Variants in SPATA6 observed in about 807,000 individuals in gnomAD.
SPATA6 encodes spermatogenesis-associated protein 6.
SPATA6 carries 56 observed loss-of-function variants against 65.3 expected under a neutral mutation model. The ratio of observed to expected loss-of-function variants is 0.86; its 90% CI spans 0.69 to 1.07. The LOEUF is 1.07. Among genes scored for constraint, SPATA6 ranks in the 50% least tolerant of loss-of-function variants. The pLI, the probability that SPATA6 is intolerant of heterozygous loss-of-function variation, is 0.00. For synonymous variants in SPATA6, 199 were observed against 213.2 expected (o/e 0.93, Z 0.58); for missense variants, 590 against 594.8 (o/e 0.99, Z 0.08).
Position 48,411,454 on chromosome 1 carries a change from A to T in SPATA6, c.405+10T>A. On this transcript the variant is annotated intron_variant, in intron 5 of 12. Transcript: ENST00000371847. The stretch of plus-strand genomic sequence containing the variant: ...ATCAAAAACTGATTCAGAAAATTGC[A>T]AGCACTTACTCGAAGGCCAGAAATC... 5 of 1,601,526 alleles carry T rather than the reference A, an allele frequency of 3.1e-6. No homozygotes were observed. Among genetic ancestry groups the T allele is most frequent in the Non-Finnish European group, 4.3e-6 (5 of 1,173,312 alleles).
At chr1:48,356,808 T>C (rs941621019) in intron 10 of SPATA6, among the ~76,000 whole-genome samples, 18 of 152,254 alleles carry the variant, frequency 1.2e-4, no homozygotes, top group African/African-American at 4.3e-4. Flanking sequence ...TCTTAAAAGC[T>C]ACAATATCAT....
intron 9 of SPATA6, among the ~76,000 whole-genome samples, chr1:48,369,701 A>G (rs1647171067): frequency 6.6e-6 from 1 of 152,214 alleles, no homozygotes; most frequent in South Asian, 2.1e-4. Context: ...TGATTAGGAA[A>G]GGGAACTCCC....
intron 3 of SPATA6, among the ~76,000 whole-genome samples, chr1:48,447,571 C>G (rs1447071043): frequency 6.6e-6 from 1 of 152,058 alleles, no homozygotes; most frequent in African/African-American, 2.4e-5. Context: ...AGACGGCACC[C>G]CTAACTCCCA....
intron 3 of SPATA6, among the ~76,000 whole-genome samples, chr1:48,435,191 G>C (rs957784234): frequency 2.6e-5 from 4 of 152,270 alleles, no homozygotes; most frequent in Admixed American, 6.5e-5. Context: ...TAAGTAATTA[G>C]TATGTCCAAG....
chr1:48,427,806 A>G (rs1275453858), intron 3 of SPATA6, among the ~76,000 whole-genome samples: 1 of 152,178 alleles, frequency 6.6e-6, no homozygotes, highest in Non-Finnish European at 1.5e-5. Flanking sequence ...TCTATTAATC[A>G]TAATTCCATT....
chr1:48,347,922 C>T (rs1460364254), intron 11 of SPATA6, among the ~76,000 whole-genome samples: 3 of 151,968 alleles, frequency 2.0e-5, no homozygotes, highest in Non-Finnish European at 4.4e-5. Flanking sequence ...GACTTCATCC[C>T]TAGCTAATAA....
chr1:48,404,367 T>C (rs560851757), intron 5 of SPATA6, among the ~76,000 whole-genome samples: 2 of 152,212 alleles, frequency 1.3e-5, no homozygotes, highest in East Asian at 3.9e-4. Flanking sequence ...TCAATTAATT[T>C]TTTTTCTTAG....
intron 3 of SPATA6, among the ~76,000 whole-genome samples, chr1:48,423,511 T>A (rs989805090): frequency 1.3e-5 from 2 of 149,716 alleles, no homozygotes; most frequent in East Asian, 3.9e-4. Flanking sequence ...AGGTATTGAC[T>A]GGTAGGGGCA....
intron 1 of SPATA6, among the ~76,000 whole-genome samples, chr1:48,470,409 G>A (rs1262943736): frequency 6.6e-6 from 1 of 152,180 alleles, no homozygotes; most frequent in African/African-American, 2.4e-5. Context: ...AAGGGATCGA[G>A]AAAGTTTCGT....
intron 3 of SPATA6, among the ~76,000 whole-genome samples, chr1:48,413,792 A>G (rs1652499238): frequency 2.0e-5 from 3 of 152,152 alleles, no homozygotes; most frequent in African/African-American, 7.2e-5. Flanking sequence ...AAGCATTACT[A>G]GGAACATAGT....
intron 3 of SPATA6, among the ~76,000 whole-genome samples, chr1:48,423,568 T>C (rs12729984): frequency 0.016 from 1,079 of 67,654 alleles, 8 homozygotes; most frequent in African/African-American, 0.035. Context: ...TTCTTTCTTT[T>C]TTTTTTTTTT....
chr1:48,290,792 G>A (rs180717169), downstream of SPATA6, among the ~76,000 whole-genome samples: 82 of 152,246 alleles, frequency 5.4e-4, no homozygotes, highest in African/African-American at 1.9e-3. Context: ...AACAAGAAGA[G>A]CTAACTATCC....
chr1:48,283,678 CAAAAAAAAAA>C, the SPATA6 span, among the ~76,000 whole-genome samples: 4 of 60,824 alleles, frequency 6.6e-5, no homozygotes. Context: ...GACTCCGTCT[CAAAAAAAAAA>C]AAAAAAAAAA....
chr1:48,320,492 A>ATTG (rs1188781475), intron 11 of SPATA6, among the ~76,000 whole-genome samples: 11 of 152,234 alleles, frequency 7.2e-5, no homozygotes, highest in African/African-American at 2.7e-4. Flanking sequence ...AAAACCTTGT[A>ATTG]TTGTAGAATA....
rs139259489 is a variant in SPATA6 at position 48,317,525 on chromosome 1, T to G, written c.1195-11647A>C. Among the ~76,000 whole-genome samples the G allele has an allele frequency of 0.02, 2,919 of 147,932 alleles. 114 individuals carry two copies. In the East Asian group the frequency reaches 0.2, roughly 10 times the overall value. On this transcript the variant is annotated intron_variant, in intron 11 of 12. Transcript: ENST00000371847. ...GGGAACATCACACACTGGGGCCTGT[T>G]GTGGGGTGGGGGGAGAGGGGAGGGA...
At chr1:48,276,288 T>A in the SPATA6 span, among the ~76,000 whole-genome samples, 1 of 152,130 alleles carries the variant, frequency 6.6e-6, no homozygotes, top group African/African-American at 2.4e-5. Context: ...AATAATCCAG[T>A]TCCTGGAGTC....
At chr1:48,345,139 A>C (rs989901105) in intron 11 of SPATA6, among the ~76,000 whole-genome samples, 13 of 152,150 alleles carry the variant, frequency 8.5e-5, no homozygotes, top group African/African-American at 2.7e-4. Flanking sequence ...ACTCATCAGG[A>C]AATGCAAAAG....
intron 11 of SPATA6, among the ~76,000 whole-genome samples, chr1:48,340,582 CTA>C (rs919926126): frequency 2.0e-5 from 3 of 150,936 alleles, no homozygotes; most frequent in Non-Finnish European, 4.4e-5. Context: ...AATAAGCACT[CTA>C]TAAGTTAGAA....
chr1:48,434,747 A>G (rs1188297122), intron 3 of SPATA6, among the ~76,000 whole-genome samples: 1 of 152,070 alleles, frequency 6.6e-6, no homozygotes, highest in Non-Finnish European at 1.5e-5. Context: ...CCTTCAGTGA[A>G]AGAAGATGAA....
Sources: gnomAD v4.1 joint callset for allele counts (sites outside exome capture counted in the v4.1 genomes callset) on GRCh38, gnomAD v4.1.1 for gene constraint, MANE v1.5 for transcripts, NCBI Gene and HGNC (gene_info 2026-07-23, HGNC 2026-07-21) for gene names.